VPS33A: variants seen among roughly 807,000 people sequenced by gnomAD.
VPS33A encodes vacuolar protein sorting-associated protein 33A.
VPS33A carries 32 observed loss-of-function variants against 71.8 expected under a neutral mutation model. That is an observed-to-expected ratio of 0.45 (90% confidence interval 0.34 to 0.60). VPS33A has a LOEUF of 0.60. VPS33A is among the 20% of genes least tolerant of loss of function. The pLI, the probability that VPS33A is intolerant of heterozygous loss-of-function variation, is 0.02. For synonymous variants in VPS33A, 311 were observed against 292.7 expected (o/e 1.06, Z -0.64); for missense variants, 625 against 748.5 (o/e 0.84, Z 1.92).
chr12:122,255,182 A>G (rs1566049152), intron 4 of VPS33A, among the ~76,000 whole-genome samples: 1 of 152,176 alleles, frequency 6.6e-6, no homozygotes, highest in South Asian at 2.1e-4. Context: ...ACCAATTCCC[A>G]TTAAATACAC....
intron 5 of VPS33A, among the ~76,000 whole-genome samples, chr12:122,250,635 A>T (rs1954830254): frequency 6.6e-6 from 1 of 152,174 alleles, no homozygotes; most frequent in African/African-American, 2.4e-5. Flanking sequence ...TTAAACAGTG[A>T]AATCACCAAA....
intron 4 of VPS33A, chr12:122,253,550 CAAAAAA>C: frequency 1.2e-5 from 1 of 81,778 alleles, no homozygotes; most frequent in Non-Finnish European, 2.5e-5. Flanking sequence ...AAGACTGTCT[CAAAAAA>C]AAAAAAAAAA....
chr12:122,256,086 G>A (rs1196114485), intron 4 of VPS33A, among the ~76,000 whole-genome samples: 1 of 152,068 alleles, frequency 6.6e-6, no homozygotes, highest in Non-Finnish European at 1.5e-5. Context: ...ATGAACCACT[G>A]TGCCTGGCCT....
rs35143468 is a variant in VPS33A, at chr12:122,253,550, CAAA to C, written c.484-2454_484-2452del. The C allele has an allele frequency of 1.1e-4, 9 of 83,278 alleles. No individual in the cohort carries two copies. The highest frequency in any genetic ancestry group is 2.3e-3 in the Middle Eastern group (2 of 856). 5.2% of individuals were successfully genotyped at this position (83,278 alleles called of 1,614,324 possible). A position where few individuals can be genotyped will look rare whatever the true frequency, so the allele number is the denominator to read the frequency against. ...CCGGGGCAACAGAGCAAGACTGTCTCAAAAAAAAAAAAAAAAAAGACATTAAGG... is the reference window on the plus strand; with the variant it reads ...CCGGGGCAACAGAGCAAGACTGTCTCAAAAAAAAAAAAAAAGACATTAAGG... On this transcript the variant is annotated intron_variant, in intron 4 of 12. Transcript: ENST00000267199.
chr12:122,239,666 G>A (rs547002249), intron 9 of VPS33A, among the ~76,000 whole-genome samples: 5 of 146,036 alleles, frequency 3.4e-5, no homozygotes, highest in Non-Finnish European at 7.5e-5. Flanking sequence ...GGGAGGCGGA[G>A]CTTGCAGTGA....
At chr12:122,234,128 T>A (rs140375677) in intron 11 of VPS33A, among the ~76,000 whole-genome samples, 122 of 152,270 alleles carry the variant, frequency 8.0e-4, no homozygotes, top group African/African-American at 2.9e-3. Flanking sequence ...CAGTAGAGAA[T>A]ATGCACTCTT....
Position 122,250,014 on chromosome 12 carries a change from C to G in VPS33A, c.632G>C (p.Arg211Thr). The change falls in exon 6 of 13, where the codon AGA becomes ACA. Residue 211 changes from arginine to threonine, a missense_variant. By Grantham distance (71) the Arg-to-Thr change is moderately conservative. Transcript: ENST00000267199. ...TGAATTCTGGCTTCCTGTAAACTCT[C>G]TCTTCATCCTGATCATCATATTGGC... ...QVANMMIRMKREFTGSQNSIF... is the reference protein window; with the variant it reads ...QVANMMIRMKTEFTGSQNSIF... 6.2e-7 allele frequency: 1 copy of G among 1,612,906 alleles called. No individual in the cohort carries two copies.
chr12:122,253,635 C>T (rs1475605116), intron 4 of VPS33A: 1 of 153,532 alleles, frequency 6.5e-6, no homozygotes, highest in African/African-American at 2.4e-5. Flanking sequence ...TGTACTACTA[C>T]AAAGACATCT....
At chr12:122,264,002 C>A in intron 2 of VPS33A, 132 bp downstream of exon 2, 1 of 756,728 alleles carries the variant, frequency 1.3e-6, no homozygotes, top group South Asian at 2.5e-5. Context: ...GTTAATCGGG[C>A]ACTAGTATTA....
chr12:122,250,792 C>T lies in VPS33A; in HGVS notation c.600+191G>A, dbSNP rs529311238. 4.6e-5 allele frequency among the ~76,000 whole-genome samples: 7 copies of T among 152,260 alleles called. No individual in the cohort carries two copies. The South Asian group carries it at 1.2e-3, about 27-fold the overall frequency. ...TTACTCAAACTGTCACCACTGTGCA[C>T]GCCGACAAAAGCACCATGAGTACTG... is the stretch of plus-strand genomic sequence containing the variant. On this transcript the variant is annotated intron_variant, in intron 5 of 12. Coordinates refer to ENST00000267199, the MANE Select transcript of VPS33A (RefSeq NM_022916.6).
Position 122,250,048 on chromosome 12 carries a change from G to T in VPS33A, c.601-3C>A. On this transcript the variant is annotated splice_region_variant and splice_polypyrimidine_tract_variant and intron_variant, in intron 5 of 12. Coordinates refer to ENST00000267199, the MANE Select transcript of VPS33A (RefSeq NM_022916.6). ...CTGATCATCATATTGGCCACTTGCT[G>T]GAAACAAAACATTGGATGAGGTGGG... 6.2e-7 allele frequency: 1 copy of T among 1,602,888 alleles called. No individual in the cohort carries two copies.
chr12:122,247,282 C>T (rs900465221), intron 6 of VPS33A, among the ~76,000 whole-genome samples: 5 of 151,934 alleles, frequency 3.3e-5, no homozygotes, highest in Admixed American at 2.0e-4. Flanking sequence ...TACCTCCCAC[C>T]CCTCCTATAC....
chr12:122,247,582 G>A (rs1954791839), intron 6 of VPS33A, among the ~76,000 whole-genome samples: 1 of 152,128 alleles, frequency 6.6e-6, no homozygotes. Context: ...GCCTCCTCAT[G>A]CATGTCTCTC....
At chr12:122,247,457 C>T (rs1954790387) in intron 6 of VPS33A, among the ~76,000 whole-genome samples, 1 of 152,082 alleles carries the variant, frequency 6.6e-6, no homozygotes, top group East Asian at 1.9e-4. Context: ...GAAATAAATT[C>T]CTCTGTCAAT....
chr12:122,263,551 C>A (rs1955026703), intron 3 of VPS33A, 21 bp downstream of exon 3: 2 of 1,576,788 alleles, frequency 1.3e-6, no homozygotes, highest in Non-Finnish European at 1.7e-6. Context: ...TCTTTTGGAT[C>A]AAACACAAGC....
chr12:122,257,187 G>C (rs2136146191), intron 4 of VPS33A, among the ~76,000 whole-genome samples: 1 of 152,170 alleles, frequency 6.6e-6, no homozygotes, highest in South Asian at 2.1e-4. Context: ...AGCACTTTCA[G>C]AGGCCGAGGC....
At chr12:122,261,960 C>T (rs1316667411) in intron 3 of VPS33A, among the ~76,000 whole-genome samples, 2 of 152,096 alleles carry the variant, frequency 1.3e-5, no homozygotes, top group African/African-American at 4.8e-5. Context: ...CGAGACCACG[C>T]CACTGCATTC....
chr12:122,240,373 A>C (rs549125771), intron 8 of VPS33A, among the ~76,000 whole-genome samples: 2 of 152,212 alleles, frequency 1.3e-5, no homozygotes, highest in African/African-American at 4.8e-5. Flanking sequence ...AGCAAGCAAT[A>C]AGTTCAAGTC....
At chr12:122,255,854 A>G (rs1183451527) in intron 4 of VPS33A, among the ~76,000 whole-genome samples, 1 of 151,960 alleles carries the variant, frequency 6.6e-6, no homozygotes, top group Non-Finnish European at 1.5e-5. Context: ...CCCAGGCAGG[A>G]GTGCACTGGT....
Sources: gnomAD v4.1 joint callset for allele counts (sites outside exome capture counted in the v4.1 genomes callset) on GRCh38, gnomAD v4.1.1 for gene constraint, MANE v1.5 for transcripts, NCBI Gene and HGNC (gene_info 2026-07-23, HGNC 2026-07-21) for gene names.